ALK: variants seen among roughly 807,000 people sequenced by gnomAD.
The protein encoded by ALK is ALK receptor tyrosine kinase.
Under a neutral mutation model 163.1 loss-of-function variants are expected in ALK, and 74 were observed. The observed-to-expected ratio is 0.45, with a 90% CI of 0.38 to 0.55. The LOEUF (loss-of-function observed/expected upper bound fraction) is 0.55, where lower values mean the gene tolerates loss of function less well. Among genes scored for constraint, ALK ranks in the 20% least tolerant of loss-of-function variants. ALK has a pLI of 0.00. For missense variants in ALK, 2,063 were observed against 2,105.3 expected (o/e 0.98, Z 0.39); for synonymous variants, 960 against 843.2 (o/e 1.14, Z -2.40).
intron 4 of ALK, among the ~76,000 whole-genome samples, chr2:29,418,432 ATATT>A (rs1417531555): frequency 1.3e-5 from 2 of 152,134 alleles, no homozygotes; most frequent in African/African-American, 2.4e-5. Flanking sequence ...TTTCTCCTAT[ATATT>A]TATTTTTAAA....
rs368767788 is a variant in ALK at position 29,491,349 on chromosome 2, G to A, written c.1154+40566C>T. Among the ~76,000 whole-genome samples, 315 of 152,278 alleles carry A rather than the reference G, an allele frequency of 2.1e-3. 2 individuals carry two copies. Among genetic ancestry groups the A allele is most frequent in the Non-Finnish European group, 4.0e-3 (269 of 68,020 alleles). ...CGAGTTCATAATATGTACTCAGTAA[G>A]TATGCGTTGATTGCATGAATGAATG... is the stretch of plus-strand genomic sequence containing the variant. On this transcript the variant is annotated intron_variant, in intron 4 of 28. Transcript: ENST00000389048.
chr2:29,869,164 T>C (rs1378113229), intron 1 of ALK, among the ~76,000 whole-genome samples: 2 of 152,158 alleles, frequency 1.3e-5, no homozygotes, highest in Non-Finnish European at 2.9e-5. Flanking sequence ...ATATAATCCA[T>C]GGGCATAATA....
intron 3 of ALK, among the ~76,000 whole-genome samples, chr2:29,564,740 T>C (rs774558268): frequency 1.1e-4 from 16 of 152,222 alleles, no homozygotes; most frequent in Non-Finnish European, 1.9e-4. Flanking sequence ...AGGGGGTATC[T>C]CAGGTTCCAC....
intron 5 of ALK, among the ~76,000 whole-genome samples, chr2:29,355,501 C>A (rs1668226270): frequency 6.6e-6 from 1 of 152,140 alleles, no homozygotes; most frequent in Non-Finnish European, 1.5e-5. Flanking sequence ...GACACACACA[C>A]ACACACACCA....
intron 1 of ALK, among the ~76,000 whole-genome samples, chr2:29,905,407 T>G (rs993551761): frequency 6.6e-6 from 1 of 152,248 alleles, no homozygotes; most frequent in Non-Finnish European, 1.5e-5. Context: ...CATTTATTGT[T>G]CTGAAGAGAA....
chr2:29,591,070 C>CAAAAAAAAAA (rs35070273), intron 3 of ALK, among the ~76,000 whole-genome samples: 1 of 46,910 alleles, frequency 2.1e-5, no homozygotes, highest in African/African-American at 8.6e-5. Context: ...GACTCCGTCT[C>CAAAAAAAAAA]AAAAAAAAAA....
intron 3 of ALK, among the ~76,000 whole-genome samples, chr2:29,650,090 G>C (rs1676997342): frequency 6.6e-6 from 1 of 152,246 alleles, no homozygotes; most frequent in African/African-American, 2.4e-5. Context: ...AAGACCCTAA[G>C]TAACAAGAGA....
intron 4 of ALK, among the ~76,000 whole-genome samples, chr2:29,386,093 T>C (rs1413798411): frequency 6.6e-6 from 1 of 152,228 alleles, no homozygotes; most frequent in Non-Finnish European, 1.5e-5. Context: ...ACCATCTCTT[T>C]CAGCGCGGTG....
At chr2:29,338,253 T>C (rs948209544) in intron 5 of ALK, among the ~76,000 whole-genome samples, 1 of 152,152 alleles carries the variant, frequency 6.6e-6, no homozygotes, top group Admixed American at 6.5e-5. Context: ...ACATAAATAA[T>C]AGCTATGAAA....
Position 29,297,067 on chromosome 2 carries a change from C to A in ALK, c.1648-10G>T. The A allele has an allele frequency of 6.2e-7, 1 of 1,614,088 alleles. No individual in the cohort carries two copies. The highest frequency in any genetic ancestry group is 2.2e-5 in the East Asian group (1 of 44,872). Reference sequence around the variant, plus strand: ...GCCAGGACATTCGGAGCTGTGAGGGCGAGAAGAGTCAGAGGACAAGGTATG... The same window carrying A: ...GCCAGGACATTCGGAGCTGTGAGGGAGAGAAGAGTCAGAGGACAAGGTATG... On this transcript the variant is annotated splice_polypyrimidine_tract_variant and intron_variant, in intron 8 of 28. Transcript: ENST00000389048.
At chr2:29,496,126 T>C (rs1160963007) in intron 4 of ALK, among the ~76,000 whole-genome samples, 1 of 152,204 alleles carries the variant, frequency 6.6e-6, no homozygotes, top group Non-Finnish European at 1.5e-5. Flanking sequence ...ATAACTTATC[T>C]GAGGTATTTT....
At chr2:29,871,665 C>T (rs1031290284) in intron 1 of ALK, among the ~76,000 whole-genome samples, 8 of 152,182 alleles carry the variant, frequency 5.3e-5, no homozygotes, top group African/African-American at 1.9e-4. Context: ...TTTGGACACT[C>T]TACAGTGGTT....
intron 12 of ALK, among the ~76,000 whole-genome samples, chr2:29,248,484 C>T (rs941276009): frequency 6.6e-6 from 1 of 152,168 alleles, no homozygotes; most frequent in Non-Finnish European, 1.5e-5. Context: ...TGACAAAAAC[C>T]CCAACTGAGC....
chr2:29,574,955 C>A (rs1388341705), intron 3 of ALK, among the ~76,000 whole-genome samples: 1 of 152,160 alleles, frequency 6.6e-6, no homozygotes, highest in Non-Finnish European at 1.5e-5. Context: ...ATTATTAATA[C>A]CTGCACGGCA....
intron 1 of ALK, among the ~76,000 whole-genome samples, chr2:29,779,472 G>A (rs954876511): frequency 6.6e-6 from 1 of 152,154 alleles, no homozygotes; most frequent in African/African-American, 2.4e-5. Context: ...GCTTCATTTG[G>A]GGATTAAATG....
At chr2:29,248,356 G>A (rs978345202) in intron 12 of ALK, among the ~76,000 whole-genome samples, 3 of 152,074 alleles carry the variant, frequency 2.0e-5, no homozygotes, top group Non-Finnish European at 2.9e-5. Flanking sequence ...GCAGCTACTC[G>A]AGAGGCTGAG....
intron 5 of ALK, among the ~76,000 whole-genome samples, chr2:29,364,672 G>A (rs905553190): frequency 6.6e-6 from 1 of 152,218 alleles, no homozygotes; most frequent in Non-Finnish European, 1.5e-5. Context: ...TCCCAAGGCT[G>A]GGTGAGGCCA....
intron 4 of ALK, among the ~76,000 whole-genome samples, chr2:29,495,048 C>A (rs1329987862): frequency 6.6e-6 from 1 of 152,068 alleles, no homozygotes; most frequent in African/African-American, 2.4e-5. Context: ...GTTCTCTACT[C>A]AAAAAAATAA....
intron 26 of ALK, among the ~76,000 whole-genome samples, chr2:29,200,729 G>A (rs1036711235): frequency 2.8e-5 from 4 of 140,968 alleles, no homozygotes; most frequent in African/African-American, 7.9e-5. Context: ...ACGTATATAT[G>A]TATATATATA....
Sources: allele counts gnomAD v4.1 joint callset (sites outside exome capture counted in the v4.1 genomes callset), GRCh38; gene constraint gnomAD v4.1.1; transcripts MANE v1.5; gene names NCBI Gene and HGNC (gene_info 2026-07-23, HGNC 2026-07-21).